ADCY1: variants seen among roughly 807,000 people sequenced by gnomAD.
ADCY1 encodes the protein adenylate cyclase type 1.
A neutral mutation model predicts 105.4 loss-of-function variants in ADCY1; 28 were observed. That is an observed-to-expected ratio of 0.27 (90% CI 0.20 to 0.36). ADCY1 has a LOEUF of 0.36. Among genes scored for constraint, ADCY1 ranks in the 10% least tolerant of loss-of-function variants. The pLI is 1.00. For missense variants in ADCY1, 977 were observed against 1,434.2 expected (o/e 0.68, Z 5.15); for synonymous variants, 655 against 623.8 (o/e 1.05, Z -0.75).
Position 45,710,283 on chromosome 7 carries a change from A to C in ADCY1, c.2933-245A>C, listed in dbSNP as rs1050254651. On this transcript the variant is annotated intron_variant, in intron 18 of 19. Transcript: ENST00000297323. The surrounding 1 kb of genome is among the most constrained non-coding windows in gnomAD (Gnocchi z 4.7). ...TTTTGAACAGCCAGTGCTGTTCCCC[A>C]GTGCAGTGGACAGTGTCGTGAGGAG... Among the ~76,000 whole-genome samples the C allele has an allele frequency of 4.6e-5, 7 of 152,174 alleles. No homozygotes were observed. The highest frequency in any genetic ancestry group is 1.7e-4 in the African/African-American group (7 of 41,438).
chr7:45,705,872 T>C (rs993400340), intron 17 of ADCY1, among the ~76,000 whole-genome samples: 6 of 152,168 alleles, frequency 3.9e-5, no homozygotes, highest in East Asian at 3.8e-4. Flanking sequence ...AGGATATAAA[T>C]TGAATATATA....
chr7:45,676,514 T>C (rs539057756), intron 8 of ADCY1, among the ~76,000 whole-genome samples: 2 of 152,344 alleles, frequency 1.3e-5, no homozygotes, highest in African/African-American at 2.4e-5. Context: ...CTTCAGACTT[T>C]ACAGCATTGG....
chr7:45,635,072 A>G (rs1173798036), intron 4 of ADCY1, among the ~76,000 whole-genome samples: 1 of 150,526 alleles, frequency 6.6e-6, no homozygotes. Flanking sequence ...TCTGGACCTG[A>G]TATTTTCTTT....
At chr7:45,586,163 C>A (rs560684570) in intron 1 of ADCY1, among the ~76,000 whole-genome samples, 1 of 152,076 alleles carries the variant, frequency 6.6e-6, no homozygotes, top group Non-Finnish European at 1.5e-5. Context: ...GCTGACCTCG[C>A]GAGTGTGCAT....
intron 1 of ADCY1, among the ~76,000 whole-genome samples, chr7:45,583,031 T>C (rs932994685): frequency 4.6e-5 from 7 of 152,248 alleles, no homozygotes; most frequent in African/African-American, 1.7e-4. Flanking sequence ...AGCCTGGAGC[T>C]GAGAAGAGCT....
At position 45,678,030 on chromosome 7, in the gene ADCY1, C is replaced by G. The variant is rs757763607; in HGVS notation, c.1767C>G (p.Thr589=). 5 of 1,614,144 alleles carry G rather than the reference C, an allele frequency of 3.1e-6. No homozygotes were observed. Among genetic ancestry groups the G allele is most frequent in the Non-Finnish European group, 4.2e-6 (5 of 1,180,026 alleles). The part of the protein sequence containing the change: ...ELEMADLNFF[T]LKYKHVEREQ... Reference sequence around the variant, plus strand: ...AGATGGCAGACCTGAACTTCTTTACCCTGAAGTACAAACATGTCGAACGGG... The same window carrying G: ...AGATGGCAGACCTGAACTTCTTTACGCTGAAGTACAAACATGTCGAACGGG... The change falls in exon 9 of 20, where the codon ACC becomes ACG. Residue 589 remains threonine, a synonymous_variant. Transcript: ENST00000297323.
Position 45,723,097 on chromosome 7 carries a change from G to GA in ADCY1, c.*9108dup, listed in dbSNP as rs959513752. 4 of 151,236 alleles carry GA rather than the reference G, an allele frequency of 2.6e-5. No individual in the cohort carries two copies. In the South Asian group the frequency reaches 6.3e-4, roughly 24 times the overall value. The allele number at this position is 151,236 out of a possible 1,614,324, so 9.4% of individuals were successfully genotyped here. ...GAATCTTATTTAACAAAAATAAAGGGAAAAAATTGCTTGACTAAACTCTGT... is the reference window on the plus strand; with the variant it reads ...GAATCTTATTTAACAAAAATAAAGGGAAAAAAATTGCTTGACTAAACTCTGT... On this transcript the variant is annotated 3_prime_UTR_variant, in exon 20 of 20. Coordinates refer to ENST00000297323, the MANE Select transcript of ADCY1 (RefSeq NM_021116.4).
chr7:45,610,815 G>GGCGGGGAGGTGATAGTGGAA (rs1793539118), intron 3 of ADCY1, among the ~76,000 whole-genome samples: 2 of 61,884 alleles, frequency 3.2e-5, no homozygotes, highest in East Asian at 5.2e-4. Context: ...TGATGGTGGA[G>GGCGGGGAGGTGATAGTGGAA]GTATGGAGGT....
chr7:45,714,341 C>G lies in ADCY1; in HGVS notation c.*346C>G, dbSNP rs1193343661. The G allele has an allele frequency of 3.1e-5, 9 of 285,726 alleles. No individual in the cohort carries two copies. The highest frequency in any genetic ancestry group is 1.9e-4 in the African/African-American group (9 of 46,726). 17.7% of individuals were successfully genotyped at this position (285,726 alleles called of 1,614,324 possible). ...AGGTCGGCATCAATGTAAGGACCTT[C>G]AGAGCATCCCAGGGTTACAGCAAGA... On this transcript the variant is annotated 3_prime_UTR_variant, in exon 20 of 20. Transcript: ENST00000297323.
At chr7:45,605,104 A>G (rs181278327) in intron 2 of ADCY1, among the ~76,000 whole-genome samples, 23 of 152,304 alleles carry the variant, frequency 1.5e-4, no homozygotes, top group Admixed American at 7.2e-4. Flanking sequence ...TGTATCTTAA[A>G]TATCAGTGTC....
chr7:45,612,111 C>G (rs1455770608), intron 3 of ADCY1, among the ~76,000 whole-genome samples: 1 of 152,170 alleles, frequency 6.6e-6, no homozygotes, highest in African/African-American at 2.4e-5. Context: ...TGCCCATTGT[C>G]ATGCTATTAA....
intron 14 of ADCY1, among the ~76,000 whole-genome samples, chr7:45,693,679 G>T (rs550217547): frequency 6.6e-6 from 1 of 151,272 alleles, no homozygotes; most frequent in Non-Finnish European, 1.5e-5. Context: ...TGTTTATTGC[G>T]GCACTATTCA....
chr7:45,606,339 C>CA lies in ADCY1; in HGVS notation c.790-4039dup, dbSNP rs1793373106. Among the ~76,000 whole-genome samples, 6 of 152,256 alleles carry CA rather than the reference C, an allele frequency of 3.9e-5. No homozygotes were observed. In the South Asian group the frequency reaches 1.2e-3, roughly 32 times the overall value. On this transcript the variant is annotated intron_variant, in intron 2 of 19. Transcript: ENST00000297323. ...TGCTGGTGTGGGTGGGGTTGGGGCA[C>CA]AGAGTTTTCAGTGTCTCTGGCCTGG...
At chr7:45,646,512 C>A (rs534713236) in intron 4 of ADCY1, among the ~76,000 whole-genome samples, 1 of 152,328 alleles carries the variant, frequency 6.6e-6, no homozygotes, top group Admixed American at 6.5e-5. Flanking sequence ...AACCATGGTG[C>A]CAGCCACTGC....
intron 4 of ADCY1, 64 bp downstream of exon 4, chr7:45,622,807 A>G (rs1793936601): frequency 7.6e-7 from 1 of 1,310,736 alleles, no homozygotes; most frequent in South Asian, 1.3e-5. Context: ...ACGATAAGCC[A>G]GGTGGATTCC....
intron 16 of ADCY1, among the ~76,000 whole-genome samples, chr7:45,704,103 C>T (rs573121166): frequency 2.0e-5 from 3 of 151,520 alleles, no homozygotes; most frequent in South Asian, 4.2e-4. Flanking sequence ...GACAGGCAGG[C>T]GGGCACCCTT....
At chr7:45,590,692 A>G (rs1221276301) in intron 1 of ADCY1, among the ~76,000 whole-genome samples, 1 of 151,838 alleles carries the variant, frequency 6.6e-6, no homozygotes, top group Non-Finnish European at 1.5e-5. Flanking sequence ...GGAGATCTTC[A>G]GGGTCATAGT....
chr7:45,585,802 G>T (rs1048174771), intron 1 of ADCY1, among the ~76,000 whole-genome samples: 2 of 152,164 alleles, frequency 1.3e-5, no homozygotes, highest in African/African-American at 4.8e-5. Context: ...TCAAGGGTCA[G>T]AAATGGGCAG....
At chr7:45,670,023 C>G (rs895091964) in intron 8 of ADCY1, among the ~76,000 whole-genome samples, 4 of 152,058 alleles carry the variant, frequency 2.6e-5, no homozygotes, top group Non-Finnish European at 4.4e-5. Flanking sequence ...AGAAAGTGAT[C>G]CATTGGAGTT....
Sources: gnomAD v4.1 joint callset for allele counts (sites outside exome capture counted in the v4.1 genomes callset) on GRCh38, gnomAD v4.1.1 for gene constraint, Gnocchi (gnomAD v3.1) non-coding constraint, MANE v1.5 for transcripts, NCBI Gene and HGNC (gene_info 2026-07-23, HGNC 2026-07-21) for gene names.